The following RASA3 variants were observed in gnomAD, a reference collection of about 807,000 sequenced individuals.
The protein encoded by RASA3 is ras GTPase-activating protein 3.
In RASA3, 73 loss-of-function variants were observed where a neutral mutation model predicts 110.0. The ratio of observed to expected loss-of-function variants is 0.66; its 90% confidence interval spans 0.55 to 0.81. The LOEUF (loss-of-function observed/expected upper bound fraction) is 0.81. Ranked by LOEUF, RASA3 falls within the 30% of genes least tolerant of loss-of-function variation. RASA3 has a pLI of 0.00. For missense variants in RASA3, 976 were observed against 1,113.2 expected, an observed-to-expected ratio of 0.88 and a Z score of 1.75; for synonymous variants, 500 against 451.4, an observed-to-expected ratio of 1.11 and a Z score of -1.37.
At chr13:114,058,021 A>G (rs1164252870) in intron 2 of RASA3, among the ~76,000 whole-genome samples, 3 of 152,058 alleles carry the variant, frequency 2.0e-5, no homozygotes, top group African/African-American at 7.2e-5. Flanking sequence ...TCACTTCCCC[A>G]GGTGTGCGTT....
rs772096441 is a variant in RASA3 at position 114,096,013 on chromosome 13, C to T, written c.56-22176G>A. Among the ~76,000 whole-genome samples the T allele has an allele frequency of 1.1e-4, 17 of 152,226 alleles. No homozygotes were observed. Among genetic ancestry groups the T allele is most frequent in the Non-Finnish European group, 1.8e-4 (12 of 68,036 alleles). On this transcript the variant is annotated intron_variant, in intron 1 of 23. Transcript: ENST00000334062. The surrounding 1 kb of genome is among the most constrained non-coding windows in gnomAD (Gnocchi z 5.1). Reference sequence around the variant, plus strand: ...TAATCAACGTTAATTTTTCACACAACGACTGGGAAAATCTGCCTACAGGAA... The same window carrying T: ...TAATCAACGTTAATTTTTCACACAATGACTGGGAAAATCTGCCTACAGGAA...
chr13:114,093,077 A>G (rs1272593988), intron 1 of RASA3, among the ~76,000 whole-genome samples: 1 of 152,222 alleles, frequency 6.6e-6, no homozygotes, highest in East Asian at 1.9e-4. Context: ...GATATTGCCT[A>G]TCTCCTAACT....
At chr13:113,999,288 C>A (rs1044528337) in intron 20 of RASA3, among the ~76,000 whole-genome samples, 1 of 152,198 alleles carries the variant, frequency 6.6e-6, no homozygotes, top group Non-Finnish European at 1.5e-5. Context: ...TGACAGAGGG[C>A]CCCTTGACAT....
At chr13:113,991,710 A>G (rs1447704027) in intron 22 of RASA3, among the ~76,000 whole-genome samples, 2 of 152,232 alleles carry the variant, frequency 1.3e-5, no homozygotes, top group East Asian at 3.9e-4. Context: ...ACTGTTTCAA[A>G]TATATATGCA....
chr13:114,098,894 T>C (rs983659113), intron 1 of RASA3, among the ~76,000 whole-genome samples: 1 of 152,052 alleles, frequency 6.6e-6, no homozygotes, highest in East Asian at 1.9e-4. Context: ...CTGCACAGAG[T>C]GGCCCCGCAG....
intron 21 of RASA3, among the ~76,000 whole-genome samples, chr13:113,994,048 GCTT>G (rs2053180620): frequency 6.6e-6 from 1 of 152,160 alleles, no homozygotes; most frequent in Non-Finnish European, 1.5e-5. Context: ...AGGCAGAAAT[GCTT>G]ATTATAGCTA....
chr13:114,042,210 G>C (rs569410526), intron 3 of RASA3, among the ~76,000 whole-genome samples: 1 of 152,340 alleles, frequency 6.6e-6, no homozygotes, highest in Admixed American at 6.5e-5. Context: ...GGGCTTGTCA[G>C]GCGCTGGGCA....
chr13:114,091,820 G>C (rs555511726), intron 1 of RASA3, among the ~76,000 whole-genome samples: 1 of 151,902 alleles, frequency 6.6e-6, no homozygotes, highest in Non-Finnish European at 1.5e-5. Context: ...ATCCATCAGG[G>C]CCTGGGCTTT....
chr13:114,041,417 T>C (rs369446493), intron 3 of RASA3, among the ~76,000 whole-genome samples: 1 of 152,274 alleles, frequency 6.6e-6, no homozygotes, highest in Admixed American at 6.5e-5. Flanking sequence ...AAGTCTCCAC[T>C]GTGTCCCTTC....
At chr13:114,055,900 C>T (rs534417825) in intron 2 of RASA3, among the ~76,000 whole-genome samples, 20 of 152,300 alleles carry the variant, frequency 1.3e-4, no homozygotes, top group South Asian at 8.3e-4. Flanking sequence ...AACCAAAAGG[C>T]GTAAATCAAG....
intron 4 of RASA3, 123 bp from the exon 5 acceptor site, chr13:114,030,010 A>G: frequency 1.2e-6 from 1 of 829,984 alleles, no homozygotes; most frequent in Admixed American, 2.0e-5. Context: ...GCCCTGGCCA[A>G]TGGGCACGTC....
intron 1 of RASA3, among the ~76,000 whole-genome samples, chr13:114,103,498 G>A (rs2080085603): frequency 6.7e-6 from 1 of 148,998 alleles, no homozygotes; most frequent in Non-Finnish European, 1.5e-5. Context: ...ACCGGAGCCC[G>A]AGTCTCGGCT....
chr13:114,058,476 C>T (rs2079283458), intron 2 of RASA3, among the ~76,000 whole-genome samples: 2 of 152,282 alleles, frequency 1.3e-5, no homozygotes, highest in Admixed American at 1.3e-4. Context: ...AACACAGAGA[C>T]CATTTCCTGT....
chr13:114,100,335 C>T (rs1168466158), intron 1 of RASA3, among the ~76,000 whole-genome samples: 1 of 152,144 alleles, frequency 6.6e-6, no homozygotes, highest in African/African-American at 2.4e-5. Flanking sequence ...ATGGGGTGCA[C>T]AGCACCCTCC....
chr13:114,031,120 T>C (rs569239212), intron 4 of RASA3, among the ~76,000 whole-genome samples: 2 of 152,090 alleles, frequency 1.3e-5, no homozygotes, highest in East Asian at 3.9e-4. Context: ...TCTGCTTGTA[T>C]GTGTCCACCT....
rs2079619047 is a variant in RASA3, at chr13:114,073,749, G to C, written c.144C>G (p.Phe48Leu). Residue 48 changes from phenylalanine (F) to leucine (L), a missense_variant, in exon 2 of 24, where the codon TTC (phenylalanine) becomes TTG (leucine). By Grantham distance (22) the Phe-to-Leu change is conservative (BLOSUM62 0). This residue lies in a region of RASA3 where 732 missense variants were observed against 779.7 expected (regional missense o/e 0.94). Transcript: ENST00000334062. ...CTVNLDQEEV[F>L]RTKIVEKSLC... ...GTGACTTTTCCACAATTTTGGTCCTGAAAACCTCCTCCTGGTCCAGGTTCA... is the reference window on the plus strand; with the variant it reads ...GTGACTTTTCCACAATTTTGGTCCTCAAAACCTCCTCCTGGTCCAGGTTCA... 6.2e-7 allele frequency: 1 copy of C among 1,614,190 alleles called. No individual in the cohort carries two copies. The highest frequency in any genetic ancestry group is 8.5e-7 in the Non-Finnish European group (1 of 1,180,020).
chr13:114,021,277 G>C (rs1291357920), intron 9 of RASA3, 127 bp downstream of exon 9: 1 of 739,840 alleles, frequency 1.4e-6, no homozygotes, highest in Non-Finnish European at 2.3e-6. Context: ...TGCAAAGTAA[G>C]AGCAGGTGGG....
intron 2 of RASA3, among the ~76,000 whole-genome samples, chr13:114,061,136 C>T (rs1193858628): frequency 6.6e-6 from 1 of 152,164 alleles, no homozygotes; most frequent in East Asian, 1.9e-4. Context: ...TTTTCAGTGG[C>T]AAATATTTCG....
rs1017972140 is a variant in RASA3, at chr13:114,065,274, T to C, written c.173+8446A>G. ...CCCGCCTGCGGCTGCTCCCATCACG[T>C]GATCATAAGAAAATAAACCTGGTTT... On this transcript the variant is annotated intron_variant, in intron 2 of 23. Transcript: ENST00000334062. This position sits in a 1 kb window ranked among gnomAD's most constrained non-coding sequence, Gnocchi z 4.1. Among the ~76,000 whole-genome samples, 19 of 152,172 alleles carry C rather than the reference T, an allele frequency of 1.2e-4. No individual in the cohort carries two copies. The highest frequency in any genetic ancestry group is 2.9e-5 in the Non-Finnish European group (2 of 68,036).
Sources: gnomAD v4.1 joint callset for allele counts (sites outside exome capture counted in the v4.1 genomes callset) on GRCh38, gnomAD v4.1.1 for gene constraint, gnomAD v4.1.1 regional missense constraint, Gnocchi (gnomAD v3.1) non-coding constraint, MANE v1.5 for transcripts, NCBI Gene and HGNC (gene_info 2026-07-23, HGNC 2026-07-21) for gene names.